The following NEGR1 variants were observed in gnomAD, a reference collection of about 807,000 sequenced individuals.
NEGR1 encodes neuronal growth regulator 1, also known as IgLON family member 4.
Under a neutral mutation model 40.9 loss-of-function variants are expected in NEGR1, and 10 were observed. The observed-to-expected ratio is 0.24, with a 90% CI of 0.15 to 0.42. NEGR1 has a LOEUF of 0.42. Among genes scored for constraint, NEGR1 ranks in the 10% least tolerant of loss-of-function variants. The pLI is 1.00. For synonymous variants in NEGR1, 185 were observed against 166.8 expected (o/e 1.11, Z -0.84); for missense variants, 352 against 438.9 (o/e 0.80, Z 1.77).
At chr1:72,218,135 T>G (rs1369360671) in intron 1 of NEGR1, among the ~76,000 whole-genome samples, 2 of 151,890 alleles carry the variant, frequency 1.3e-5, no homozygotes, top group African/African-American at 4.8e-5. Flanking sequence ...AAGGGAAATC[T>G]GAGAATCCTG....
intron 6 of NEGR1, among the ~76,000 whole-genome samples, chr1:71,410,483 G>A (rs917736453): frequency 6.6e-6 from 1 of 151,874 alleles, no homozygotes; most frequent in Admixed American, 6.6e-5. Flanking sequence ...TAAATAAATA[G>A]GTAAATACAG....
At chr1:72,081,194 C>T (rs774753157) in intron 1 of NEGR1, among the ~76,000 whole-genome samples, 2 of 152,008 alleles carry the variant, frequency 1.3e-5, no homozygotes, top group Non-Finnish European at 2.9e-5. Context: ...GTAGTGCAAT[C>T]ATAAGTTCTA....
At chr1:71,882,762 A>C (rs1023240145) in intron 2 of NEGR1, among the ~76,000 whole-genome samples, 1 of 150,838 alleles carries the variant, frequency 6.6e-6, no homozygotes, top group Non-Finnish European at 1.5e-5. Flanking sequence ...GGTCTTCCCA[A>C]GGATTTAATT....
chr1:71,605,820 T>C (rs933676691), intron 5 of NEGR1, among the ~76,000 whole-genome samples: 5 of 152,230 alleles, frequency 3.3e-5, no homozygotes, highest in African/African-American at 1.2e-4. Flanking sequence ...GAAACTATCA[T>C]GTTAAAAAAT....
intron 1 of NEGR1, among the ~76,000 whole-genome samples, chr1:71,950,232 C>T (rs2768391): frequency 0.036 from 5,543 of 151,954 alleles, 340 homozygotes; most frequent in African/African-American, 0.13. Context: ...TAGCAAGATA[C>T]ATATTTGTCA....
intron 1 of NEGR1, among the ~76,000 whole-genome samples, chr1:71,974,453 A>T (rs1646284934): frequency 6.6e-6 from 1 of 152,166 alleles, no homozygotes; most frequent in Non-Finnish European, 1.5e-5. Context: ...CTGATAGACT[A>T]TTACACTATT....
At chr1:72,013,639 A>C (rs1486104) in intron 1 of NEGR1, among the ~76,000 whole-genome samples, 13,115 of 152,114 alleles carry the variant, frequency 0.086, 682 homozygotes, top group Middle Eastern at 0.18. Flanking sequence ...ATTATTAACA[A>C]ATAATTACTA....
intron 1 of NEGR1, among the ~76,000 whole-genome samples, chr1:72,042,966 T>C (rs1198768766): frequency 2.0e-5 from 3 of 152,008 alleles, no homozygotes; most frequent in Non-Finnish European, 4.4e-5. Flanking sequence ...GAGTTGCATG[T>C]TTTCAAAGTA....
At chr1:71,761,782 T>C (rs1655950284) in intron 3 of NEGR1, among the ~76,000 whole-genome samples, 2 of 152,018 alleles carry the variant, frequency 1.3e-5, no homozygotes, top group African/African-American at 4.8e-5. Context: ...CAGTCTTCAG[T>C]TGAACTGCCA....
chr1:71,737,712 G>T (rs1324954267), intron 3 of NEGR1, among the ~76,000 whole-genome samples: 1 of 152,080 alleles, frequency 6.6e-6, no homozygotes, highest in Non-Finnish European at 1.5e-5. Context: ...TTTGCAAAAA[G>T]ATTAAATATT....
intron 2 of NEGR1, among the ~76,000 whole-genome samples, chr1:71,848,059 A>T (rs1052332257): frequency 6.6e-6 from 1 of 152,212 alleles, no homozygotes; most frequent in Non-Finnish European, 1.5e-5. Flanking sequence ...CAGTCCCTTA[A>T]GCCAAAGCCT....
At chr1:71,606,072 C>A (rs1650066162) in intron 5 of NEGR1, among the ~76,000 whole-genome samples, 1 of 152,152 alleles carries the variant, frequency 6.6e-6, no homozygotes, top group African/African-American at 2.4e-5. Context: ...ATCCAAAGTC[C>A]TATTAAGCAA....
chr1:72,276,148 TA>T (rs1656041949), intron 1 of NEGR1, among the ~76,000 whole-genome samples: 1 of 152,060 alleles, frequency 6.6e-6, no homozygotes, highest in African/African-American at 2.4e-5. Context: ...TATACTGTTC[TA>T]ATTTCTGCAA....
At chr1:72,178,685 G>A (rs542657727) in intron 1 of NEGR1, among the ~76,000 whole-genome samples, 10 of 150,888 alleles carry the variant, frequency 6.6e-5, no homozygotes, top group Non-Finnish European at 1.2e-4. Context: ...CCTTGCCAGC[G>A]TCTGTTTTTT....
At chr1:71,662,359 G>A (rs1652088780) in intron 4 of NEGR1, among the ~76,000 whole-genome samples, 1 of 152,130 alleles carries the variant, frequency 6.6e-6, no homozygotes, top group African/African-American at 2.4e-5. Flanking sequence ...GCATCTAAAG[G>A]AATTTGGAAG....
intron 1 of NEGR1, among the ~76,000 whole-genome samples, chr1:72,270,631 C>T (rs1211418918): frequency 2.6e-5 from 4 of 151,874 alleles, no homozygotes; most frequent in African/African-American, 9.7e-5. Context: ...TCATCTTCAT[C>T]CTCTGACTCT....
Position 72,120,769 on chromosome 1 carries a change from T to C in NEGR1, c.176+161550A>G, listed in dbSNP as rs185393940. Among the ~76,000 whole-genome samples, 271 of 152,204 alleles carry C rather than the reference T, an allele frequency of 1.8e-3. 1 individual carries two copies. The highest frequency in any genetic ancestry group is 3.2e-3 in the Non-Finnish European group (219 of 67,986). ...AGTGAGATGCTCATTTAACAAACAC[T>C]ATTTTTAAAAGATGAAATTGAGGTC... On this transcript the variant is annotated intron_variant, in intron 1 of 6. Transcript: ENST00000357731.
intron 2 of NEGR1, among the ~76,000 whole-genome samples, chr1:71,794,785 A>G (rs2101740169): frequency 6.6e-6 from 1 of 152,248 alleles, no homozygotes; most frequent in Non-Finnish European, 1.5e-5. Context: ...AGATACCATA[A>G]ACTGATTTAA....
At chr1:71,697,932 T>A in intron 4 of NEGR1, 76 bp downstream of exon 4, 2 of 1,432,970 alleles carry the variant, frequency 1.4e-6, no homozygotes, top group Non-Finnish European at 1.9e-6. Context: ...AACAGCAACA[T>A]AAATTTCAGT....
Sources: gnomAD v4.1 joint callset for allele counts (sites outside exome capture counted in the v4.1 genomes callset) on GRCh38, gnomAD v4.1.1 for gene constraint, MANE v1.5 for transcripts, NCBI Gene and HGNC (gene_info 2026-07-23, HGNC 2026-07-21) for gene names.